NOP9: variants seen among roughly 807,000 people sequenced by gnomAD.
NOP9 encodes the protein nucleolar protein 9.
Under a neutral mutation model 63.0 loss-of-function variants are expected in NOP9, and 50 were observed. The ratio of observed to expected loss-of-function variants is 0.79; its 90% CI spans 0.63 to 1.00. NOP9 has a LOEUF of 1.00. NOP9 is among the 50% of genes least tolerant of loss of function. The pLI is 0.00. For missense variants in NOP9, 758 were observed against 803.0 expected, an observed-to-expected ratio of 0.94 and a Z score of 0.68; for synonymous variants, 343 against 332.8, an observed-to-expected ratio of 1.03 and a Z score of -0.33.
In NOP9 at chr14:24,300,121, A is replaced by C; in HGVS notation, c.167A>C (p.His56Pro). ...GAGCCGGCTCCAGATTCGCACCCGC[A>C]CCTGAGCCCGGAAGCTCTGGGATAT... is the stretch of plus-strand genomic sequence containing the variant. ...RSEPAPDSHPHLSPEALGYFR... is the reference protein window; with the variant it reads ...RSEPAPDSHPPLSPEALGYFR... Residue 56 changes from histidine to proline, a missense_variant, in exon 1 of 10, where the codon CAC (histidine) becomes CCC (proline). By Grantham distance (77) the His-to-Pro change is moderately conservative. Coordinates refer to ENST00000267425, the MANE Select transcript of NOP9 (RefSeq NM_174913.3). The C allele has an allele frequency of 1.2e-6, 2 of 1,613,626 alleles. No homozygotes were observed. Among genetic ancestry groups the C allele is most frequent in the East Asian group, 2.2e-5 (1 of 44,874 alleles).
At chr14:24,277,220 G>A in the NOP9 span, among the ~76,000 whole-genome samples, 1 of 152,202 alleles carries the variant, frequency 6.6e-6, no homozygotes, top group African/African-American at 2.4e-5. Context: ...CTAGAACATG[G>A]GCGTGGGGAG....
upstream of NOP9, chr14:24,299,264 G>C: frequency 2.4e-6 from 2 of 828,956 alleles, no homozygotes; most frequent in Non-Finnish European, 1.8e-6. Flanking sequence ...GGGGAGAGGA[G>C]TCAGAGGCTG....
Position 24,302,425 on chromosome 14 carries a change from G to C in NOP9, c.1143+1G>C. On this transcript the variant is annotated splice_donor_variant, in intron 5 of 9. Coordinates refer to ENST00000267425, the MANE Select transcript of NOP9 (RefSeq NM_174913.3). LOFTEE classifies it high-confidence loss of function. ...GGATGCAGTCACTACCCCTGAGCTG[G>C]TGAGTTGGAAACCTGAGCTGGATCT... The C allele has an allele frequency of 6.2e-7, 1 of 1,603,958 alleles. No homozygotes were observed. Among genetic ancestry groups the C allele is most frequent in the Non-Finnish European group, 8.5e-7 (1 of 1,172,764 alleles).
the NOP9 span, chr14:24,271,468 C>A: frequency 6.0e-5 from 13 of 216,208 alleles, no homozygotes; most frequent in African/African-American, 9.1e-5. Context: ...GCACCCCCGC[C>A]CCCCGCGGGC....
chr14:24,290,757 A>G, the NOP9 span: 1 of 1,467,368 alleles, frequency 6.8e-7, no homozygotes, highest in Non-Finnish European at 9.4e-7. Flanking sequence ...CTTCATATCA[A>G]GGGTATGGGT....
chr14:24,306,138 CTG>C lies in NOP9; in HGVS notation c.*1045_*1046del, dbSNP rs1481087271. On this transcript the variant is annotated 3_prime_UTR_variant, in exon 10 of 10. Coordinates refer to ENST00000267425, the MANE Select transcript of NOP9 (RefSeq NM_174913.3). ...CCAGGCCATATGACAGCACTCCACTCTGTAGGACACCCTTGTCAGTGCAGTAG... is the reference window on the plus strand; with the variant it reads ...CCAGGCCATATGACAGCACTCCACTCTAGGACACCCTTGTCAGTGCAGTAG... 3.1e-6 allele frequency: 5 copies of C among 1,612,822 alleles called. No homozygotes were observed. Among genetic ancestry groups the C allele is most frequent in the Non-Finnish European group, 4.2e-6 (5 of 1,179,356 alleles).
At chr14:24,274,414 C>T in the NOP9 span, among the ~76,000 whole-genome samples, 7 of 151,910 alleles carry the variant, frequency 4.6e-5, no homozygotes, top group Non-Finnish European at 1.0e-4. Context: ...TGTAATATGA[C>T]GTGAAGGTGG....
upstream of NOP9, chr14:24,299,100 CT>C (rs1430423813): frequency 6.2e-7 from 1 of 1,612,130 alleles, no homozygotes; most frequent in Non-Finnish European, 8.5e-7. Flanking sequence ...TTCATGGGAG[CT>C]GCCATGACTC....
upstream of NOP9, chr14:24,298,585 T>G: frequency 6.2e-6 from 1 of 162,194 alleles, no homozygotes; most frequent in Non-Finnish European, 1.3e-5. Context: ...AGTTTTTTAC[T>G]TTTCTTTCTT....
At chr14:24,282,645 A>T in the NOP9 span, among the ~76,000 whole-genome samples, 2 of 152,018 alleles carry the variant, frequency 1.3e-5, no homozygotes, top group Admixed American at 6.6e-5. Flanking sequence ...CTCCTTACTC[A>T]CCAATATGGG....
Position 24,308,217 on chromosome 14 carries a change from G to T in NOP9, c.*3122G>T. 1 of 305,598 alleles carries T rather than the reference G, an allele frequency of 3.3e-6. No homozygotes were observed. The highest frequency in any genetic ancestry group is 6.3e-6 in the Non-Finnish European group (1 of 159,020). The allele number at this position is 305,598 out of a possible 1,614,324, so 18.9% of individuals were successfully genotyped here. A position where few individuals can be genotyped will look rare whatever the true frequency, so the allele number is the denominator to read the frequency against. On this transcript the variant is annotated 3_prime_UTR_variant, in exon 10 of 10. Transcript: ENST00000267425. Reference sequence around the variant, plus strand: ...TTCTATGGAGGGAATTTCTGGGGACGGTTTCTGGCTCTCAGGCTCTGAGAA... The same window carrying T: ...TTCTATGGAGGGAATTTCTGGGGACTGTTTCTGGCTCTCAGGCTCTGAGAA...
rs2041533109 is a variant in NOP9, at chr14:24,307,053, AG to A, written c.*1960del. On this transcript the variant is annotated 3_prime_UTR_variant, in exon 10 of 10. Coordinates refer to ENST00000267425, the MANE Select transcript of NOP9 (RefSeq NM_174913.3). ...TTTTGGTAGGTTGAACAACTTCCCAAGGTTTGACAGGCAGGAAGTGGCAGAA... is the reference window on the plus strand; with the variant it reads ...TTTTGGTAGGTTGAACAACTTCCCAAGTTTGACAGGCAGGAAGTGGCAGAA... The A allele has an allele frequency of 3.4e-6, 1 of 290,600 alleles. No homozygotes were observed. The highest frequency in any genetic ancestry group is 6.5e-6 in the Non-Finnish European group (1 of 154,164). 18.0% of individuals were successfully genotyped at this position (290,600 alleles called of 1,614,324 possible).
rs1204247527 is a variant in NOP9 at position 24,305,718 on chromosome 14, A to G, written c.*623A>G. Reference sequence around the variant, plus strand: ...AAGGGTGGAGGAAATTCCCAGCAACATATGGCCCAGGCCTTGCAGCAGTGT... The same window carrying G: ...AAGGGTGGAGGAAATTCCCAGCAACGTATGGCCCAGGCCTTGCAGCAGTGT... On this transcript the variant is annotated 3_prime_UTR_variant, in exon 10 of 10. Coordinates refer to ENST00000267425, the MANE Select transcript of NOP9 (RefSeq NM_174913.3). 8 of 1,614,090 alleles carry G rather than the reference A, an allele frequency of 5.0e-6. No homozygotes were observed. Among genetic ancestry groups the G allele is most frequent in the African/African-American group, 1.3e-5 (1 of 74,930 alleles).
chr14:24,305,181 G>C lies in NOP9; in HGVS notation c.*86G>C. The stretch of plus-strand genomic sequence containing the variant: ...CCTTTCCTGGTTTAAATTGGAGTCA[G>C]AAGTCTTAGTGGTAAATATTTGATA... On this transcript the variant is annotated 3_prime_UTR_variant, in exon 10 of 10. Coordinates refer to ENST00000267425, the MANE Select transcript of NOP9 (RefSeq NM_174913.3). 1 of 1,262,758 alleles carries C rather than the reference G, an allele frequency of 7.9e-7. No individual in the cohort carries two copies. Among genetic ancestry groups the C allele is most frequent in the African/African-American group, 1.5e-5 (1 of 64,618 alleles). The allele number at this position is 1,262,758 out of a possible 1,614,324, so 78.2% of individuals were successfully genotyped here.
intron 6 of NOP9, 87 bp from the exon 7 acceptor site, chr14:24,303,645 T>TCTTTC (rs921615836): frequency 2.8e-5 from 41 of 1,439,964 alleles, no homozygotes; most frequent in Non-Finnish European, 3.9e-5. Context: ...AGTTGGGCCT[T>TCTTTC]CTTTCCTTTC....
the NOP9 span, among the ~76,000 whole-genome samples, chr14:24,274,784 A>G: frequency 6.8e-6 from 1 of 147,200 alleles, no homozygotes; most frequent in African/African-American, 2.5e-5. Flanking sequence ...AATTTTTTGT[A>G]TTTTTAGTAG....
the NOP9 span, among the ~76,000 whole-genome samples, chr14:24,290,019 C>T: frequency 3.7e-4 from 56 of 152,364 alleles, no homozygotes; most frequent in African/African-American, 1.3e-3. Flanking sequence ...TCTAGGCTGT[C>T]CGGTGGAAGG....
chr14:24,272,288 A>G, the NOP9 span, among the ~76,000 whole-genome samples: 1 of 152,222 alleles, frequency 6.6e-6, no homozygotes, highest in East Asian at 1.9e-4. Context: ...AATAATATAC[A>G]TGCACATACA....
At chr14:24,301,498 GTAC>G in intron 2 of NOP9, 111 bp from the exon 3 acceptor site, 1 of 1,267,226 alleles carries the variant, frequency 7.9e-7, no homozygotes, top group Admixed American at 2.1e-5. Flanking sequence ...ACATTTAGTT[GTAC>G]TACATCTGTT....
Sources: allele counts gnomAD v4.1 joint callset (sites outside exome capture counted in the v4.1 genomes callset), GRCh38; gene constraint gnomAD v4.1.1; transcripts MANE v1.5; gene names NCBI Gene and HGNC (gene_info 2026-07-23, HGNC 2026-07-21).